Variants in LONP2 observed in about 807,000 individuals in gnomAD.
The protein encoded by LONP2 is lon peptidase 2, peroxisomal, also known as lon protease homolog 2, peroxisomal.
LONP2 carries 60 observed loss-of-function variants against 85.6 expected under a neutral mutation model. The ratio of observed to expected loss-of-function variants is 0.70; its 90% confidence interval spans 0.57 to 0.87. LONP2 has a LOEUF of 0.87. LONP2 is among the 40% of genes least tolerant of loss of function. LONP2 has a pLI of 0.00. For synonymous variants in LONP2, 395 were observed against 389.7 expected (o/e 1.01, Z -0.16); for missense variants, 860 against 1,063.5 (o/e 0.81, Z 2.66).
At chr16:48,338,473 T>C (rs1332090277) in intron 12 of LONP2, among the ~76,000 whole-genome samples, 1 of 152,180 alleles carries the variant, frequency 6.6e-6, no homozygotes, top group Non-Finnish European at 1.5e-5. Context: ...GAAACAGTTA[T>C]CAAAAGGGAC....
chr16:48,253,205 C>T (rs894657129), intron 2 of LONP2, among the ~76,000 whole-genome samples: 2 of 152,124 alleles, frequency 1.3e-5, no homozygotes, highest in African/African-American at 4.8e-5. Flanking sequence ...TGCGCTGGTG[C>T]ACACCTGTAA....
At chr16:48,261,396 G>C (rs150414975) in intron 4 of LONP2, 28 bp from the exon 5 acceptor site, 1 of 1,522,792 alleles carries the variant, frequency 6.6e-7, no homozygotes, top group African/African-American at 1.4e-5. Flanking sequence ...TTTGACATAC[G>C]GTTTTACTTT....
In LONP2 at chr16:48,348,177, CCAT is replaced by C; in HGVS notation, c.2226_2228del (p.Ser743del). The C allele has an allele frequency of 6.2e-7, 1 of 1,613,228 alleles. No individual in the cohort carries two copies. The highest frequency in any genetic ancestry group is 1.7e-4 in the Middle Eastern group (1 of 6,060). ...AGCTGGAGCTGTCACAAAAGATGGA[CCAT>C]CTGCTGGAGTTACCATAGTAACCTG... On this transcript the variant is annotated inframe_deletion, in exon 14 of 15. Coordinates refer to ENST00000285737, the MANE Select transcript of LONP2 (RefSeq NM_031490.5).
chr16:48,270,592 A>G (rs1025551880), intron 7 of LONP2, among the ~76,000 whole-genome samples: 10 of 152,168 alleles, frequency 6.6e-5, no homozygotes, highest in Non-Finnish European at 1.5e-4. Flanking sequence ...ACCCAGTAGC[A>G]TGCCATAAAT....
intron 14 of LONP2, among the ~76,000 whole-genome samples, chr16:48,348,617 C>T (rs1323186679): frequency 3.3e-5 from 5 of 151,534 alleles, no homozygotes; most frequent in South Asian, 2.1e-4. Flanking sequence ...GTCTATCTCC[C>T]GAATAGCTGG....
rs140986419 is a variant in LONP2, at chr16:48,298,478, T to C, written c.1535-1184T>C. On this transcript the variant is annotated intron_variant, in intron 9 of 14. Transcript: ENST00000285737. ...AAATACATACACACACACACACACA[T>C]ATATATATATACCATCATGTGGAGG... is the stretch of plus-strand genomic sequence containing the variant. Among the ~76,000 whole-genome samples, 1,100 of 151,156 alleles carry C rather than the reference T, an allele frequency of 7.3e-3. 4 individuals carry two copies. The highest frequency in any genetic ancestry group is 0.012 in the South Asian group (56 of 4,768).
Position 48,256,599 on chromosome 16 carries a change from C to T in LONP2, c.469-11C>T, listed in dbSNP as rs748641719. On this transcript the variant is annotated splice_polypyrimidine_tract_variant and intron_variant, in intron 2 of 14. Coordinates refer to ENST00000285737, the MANE Select transcript of LONP2 (RefSeq NM_031490.5). ...AGATTTCATTTAAAAGACTTTTTTT[C>T]CCCCTTCTAGTTGGTTGAAATGTTG... The T allele has an allele frequency of 3.1e-6, 5 of 1,602,816 alleles. No homozygotes were observed. In the South Asian group the frequency reaches 5.7e-5, roughly 18 times the overall value.
chr16:48,320,022 T>C (rs1973228276), intron 11 of LONP2, among the ~76,000 whole-genome samples: 1 of 151,840 alleles, frequency 6.6e-6, no homozygotes, highest in Non-Finnish European at 1.5e-5. Flanking sequence ...TAGCCAGGCA[T>C]GGTGGCAGGG....
At chr16:48,284,273 A>G (rs532832761) in intron 8 of LONP2, among the ~76,000 whole-genome samples, 5 of 152,362 alleles carry the variant, frequency 3.3e-5, no homozygotes, top group East Asian at 3.9e-4. Flanking sequence ...TTAGAATATT[A>G]CATAAACATA....
At position 48,356,629 on chromosome 16, in the gene LONP2, A is replaced by G. The variant is rs1960371633; in HGVS notation, c.*4827A>G. ...TTACAAACATTTGGTGGATACCACAATGAAAACTGCACTTAAAAAACAAAA... is the reference window on the plus strand; with the variant it reads ...TTACAAACATTTGGTGGATACCACAGTGAAAACTGCACTTAAAAAACAAAA... On this transcript the variant is annotated 3_prime_UTR_variant, in exon 15 of 15. Coordinates refer to ENST00000285737, the MANE Select transcript of LONP2 (RefSeq NM_031490.5). 5.9e-6 allele frequency: 2 copies of G among 341,470 alleles called. No homozygotes were observed. Among genetic ancestry groups the G allele is most frequent in the South Asian group, 2.4e-5 (1 of 41,890 alleles). The allele number at this position is 341,470 out of a possible 1,614,324, so 21.2% of individuals were successfully genotyped here. A position where few individuals can be genotyped will look rare whatever the true frequency, so the allele number is the denominator to read the frequency against.
Position 48,272,770 on chromosome 16 carries a change from T to G in LONP2, c.1241+2496T>G, listed in dbSNP as rs1972131183. On this transcript the variant is annotated intron_variant, in intron 7 of 14. Transcript: ENST00000285737. The stretch of plus-strand genomic sequence containing the variant: ...GATTAACTACTATAGCAACCTGCCC[T>G]TGTGCTGTTGGGGACATATTACCCA... 2.6e-5 allele frequency among the ~76,000 whole-genome samples: 4 copies of G among 152,310 alleles called. No homozygotes were observed. The South Asian group carries it at 8.3e-4, about 32-fold the overall frequency.
At chr16:48,357,530 C>A (rs1960419323), downstream of LONP2, among the ~76,000 whole-genome samples, 3 of 152,220 alleles carry the variant, frequency 2.0e-5, 1 homozygote, top group South Asian at 6.2e-4. Context: ...GTAGTTCACA[C>A]ACACTATTCA....
At chr16:48,347,183 GATACTT>G (rs1959991663) in intron 12 of LONP2, among the ~76,000 whole-genome samples, 1 of 151,802 alleles carries the variant, frequency 6.6e-6, no homozygotes, top group South Asian at 2.1e-4. Flanking sequence ...GCCCAATAAA[GATACTT>G]AGATAAAACT....
chr16:48,332,843 G>A (rs1959501403), intron 11 of LONP2, among the ~76,000 whole-genome samples: 1 of 152,192 alleles, frequency 6.6e-6, no homozygotes, highest in African/African-American at 2.4e-5. Context: ...AGGAGGCAGA[G>A]GTTGCAGTGA....
At position 48,354,393 on chromosome 16, in the gene LONP2, G is replaced by C. The variant is rs1376772063; in HGVS notation, c.*2591G>C. On this transcript the variant is annotated 3_prime_UTR_variant, in exon 15 of 15. Transcript: ENST00000285737. ...CAGCTAATTTTTGTATTTTTTAGTA[G>C]AGACAGGGTTTCACCATGTTGGCCA... 6.6e-6 allele frequency: 1 copy of C among 151,720 alleles called. No individual in the cohort carries two copies. The highest frequency in any genetic ancestry group is 1.5e-5 in the Non-Finnish European group (1 of 68,048). 9.4% of individuals were successfully genotyped at this position (151,720 alleles called of 1,614,324 possible).
chr16:48,358,246 G>C (rs1319841306), downstream of LONP2, among the ~76,000 whole-genome samples: 1 of 152,148 alleles, frequency 6.6e-6, no homozygotes, highest in Non-Finnish European at 1.5e-5. Context: ...AGGTGAAAAT[G>C]AAAATGGAAA....
chr16:48,256,817 T>A, intron 3 of LONP2, 76 bp downstream of exon 3: 1 of 1,413,068 alleles, frequency 7.1e-7, no homozygotes, highest in Non-Finnish European at 9.6e-7. Context: ...AGTTAAGTTT[T>A]GACCTTCAAG....
chr16:48,339,874 G>T (rs1363705449), intron 12 of LONP2, among the ~76,000 whole-genome samples: 2 of 152,234 alleles, frequency 1.3e-5, no homozygotes, highest in Non-Finnish European at 2.9e-5. Context: ...GGAGTTCATG[G>T]CTTGAGTACA....
intron 8 of LONP2, among the ~76,000 whole-genome samples, chr16:48,294,207 C>G (rs956555950): frequency 1.3e-5 from 2 of 152,132 alleles, no homozygotes; most frequent in Non-Finnish European, 2.9e-5. Context: ...TCCCAAAGTA[C>G]TTGGATTACA....
Sources: gnomAD v4.1 joint callset for allele counts (sites outside exome capture counted in the v4.1 genomes callset) on GRCh38, gnomAD v4.1.1 for gene constraint, MANE v1.5 for transcripts, NCBI Gene and HGNC (gene_info 2026-07-23, HGNC 2026-07-21) for gene names.